The following KALRN variants were observed in gnomAD, a reference collection of about 807,000 sequenced individuals.
KALRN encodes the protein kalirin RhoGEF kinase.
Under a neutral mutation model 353.7 loss-of-function variants are expected in KALRN, and 70 were observed. The observed-to-expected ratio is 0.20, with a 90% CI of 0.16 to 0.24. The LOEUF (loss-of-function observed/expected upper bound fraction) is 0.24. Among genes scored for constraint, KALRN ranks in the 10% least tolerant of loss-of-function variants. KALRN has a pLI of 1.00. For missense variants in KALRN, 2,791 were observed against 3,756.7 expected (o/e 0.74, Z 6.72); for synonymous variants, 1,391 against 1,434.8 (o/e 0.97, Z 0.69).
intron 1 of KALRN, among the ~76,000 whole-genome samples, chr3:124,090,084 A>T (rs938518216): frequency 6.6e-6 from 1 of 151,980 alleles, no homozygotes; most frequent in African/African-American, 2.4e-5. Flanking sequence ...CTGAAGGAGG[A>T]GAGGGGACTG....
intron 34 of KALRN, among the ~76,000 whole-genome samples, chr3:124,564,980 G>A (rs981139566): frequency 6.6e-6 from 1 of 152,242 alleles, no homozygotes; most frequent in South Asian, 2.1e-4. Context: ...GATATTTCTA[G>A]GAGAGGAAGA....
chr3:124,674,468 G>C lies in KALRN; in HGVS notation c.7047G>C (p.Gln2349His). The change falls in exon 49 of 60, where the codon CAG becomes CAC. Residue 2349 changes from glutamine (Q) to histidine (H), a missense_variant. By Grantham distance (24) the Gln-to-His change is conservative. Coordinates refer to ENST00000682506, the MANE Select transcript of KALRN (RefSeq NM_001388419.1). Reference sequence around the variant, plus strand: ...GTGTGAGCCAAGGTGAGGTGGTCCAGGTCCTCGCCGTCAACCAGCAGAACA... The same window carrying C: ...GTGTGAGCCAAGGTGAGGTGGTCCACGTCCTCGCCGTCAACCAGCAGAACA... ...EICVSQGEVV[Q>H]VLAVNQQNMC... 6.2e-7 allele frequency: 1 copy of C among 1,614,068 alleles called. No homozygotes were observed. The highest frequency in any genetic ancestry group is 8.5e-7 in the Non-Finnish European group (1 of 1,180,006).
chr3:124,226,205 A>T (rs1238428119), intron 1 of KALRN, among the ~76,000 whole-genome samples: 1 of 152,192 alleles, frequency 6.6e-6, no homozygotes, highest in Non-Finnish European at 1.5e-5. Flanking sequence ...TTGCATGAGG[A>T]TGAAAAAAAA....
At chr3:124,595,384 T>A (rs1236302117) in intron 34 of KALRN, among the ~76,000 whole-genome samples, 2 of 152,200 alleles carry the variant, frequency 1.3e-5, no homozygotes, top group Non-Finnish European at 2.9e-5. Context: ...TCAGCCATGG[T>A]GGGAGTATTT....
chr3:124,182,233 T>C (rs1400865909), intron 1 of KALRN, among the ~76,000 whole-genome samples: 1 of 152,218 alleles, frequency 6.6e-6, no homozygotes, highest in African/African-American at 2.4e-5. Flanking sequence ...ATAACACACA[T>C]TTATTGTCTG....
At chr3:124,416,461 G>T (rs1439142203) in intron 14 of KALRN, among the ~76,000 whole-genome samples, 1 of 152,226 alleles carries the variant, frequency 6.6e-6, no homozygotes, top group Non-Finnish European at 1.5e-5. Flanking sequence ...AAAGAGGTTT[G>T]GCCTCTTCAG....
At chr3:124,425,772 A>G (rs919800897) in intron 15 of KALRN, among the ~76,000 whole-genome samples, 1 of 152,126 alleles carries the variant, frequency 6.6e-6, no homozygotes, top group Non-Finnish European at 1.5e-5. Flanking sequence ...ATAGAAATAT[A>G]TTTATTCTCC....
chr3:124,137,552 G>A (rs1419582021), intron 1 of KALRN, among the ~76,000 whole-genome samples: 1 of 152,178 alleles, frequency 6.6e-6, no homozygotes, highest in Non-Finnish European at 1.5e-5. Context: ...CTTGTTTGCT[G>A]TTCCCTCTCT....
At chr3:124,483,086 G>A (rs1224593939) in intron 28 of KALRN, among the ~76,000 whole-genome samples, 186 bp downstream of exon 28, 1 of 152,234 alleles carries the variant, frequency 6.6e-6, no homozygotes, top group Non-Finnish European at 1.5e-5. Flanking sequence ...TTTTAAGGCA[G>A]AAGGGGGAGA....
chr3:124,131,272 C>T (rs974161397), intron 1 of KALRN, among the ~76,000 whole-genome samples: 4 of 152,154 alleles, frequency 2.6e-5, no homozygotes, highest in Admixed American at 2.0e-4. Context: ...CCAACTTGCT[C>T]TGGAAAGAAC....
intron 34 of KALRN, among the ~76,000 whole-genome samples, chr3:124,620,031 C>T (rs1340440669): frequency 6.6e-6 from 1 of 151,684 alleles, no homozygotes; most frequent in Admixed American, 6.6e-5. Flanking sequence ...TATAATGTGC[C>T]CTTTCTTCAG....
intron 1 of KALRN, among the ~76,000 whole-genome samples, chr3:124,050,624 C>A (rs1245897247): frequency 6.6e-6 from 1 of 152,138 alleles, no homozygotes; most frequent in Non-Finnish European, 1.5e-5. Context: ...GAGCCTGAGA[C>A]CCTGGTATCC....
chr3:124,267,555 G>C (rs916403254), intron 4 of KALRN, among the ~76,000 whole-genome samples: 1 of 152,198 alleles, frequency 6.6e-6, no homozygotes, highest in African/African-American at 2.4e-5. Flanking sequence ...AGAATTTCTA[G>C]GGATGAGGTT....
chr3:124,209,995 T>G (rs984633846), intron 1 of KALRN, among the ~76,000 whole-genome samples: 2 of 152,214 alleles, frequency 1.3e-5, no homozygotes, highest in Non-Finnish European at 2.9e-5. Context: ...CCAGTGTTTC[T>G]TCAGAGAGTA....
Position 124,667,076 on chromosome 3 carries a change from G to A in KALRN, c.6596G>A (p.Arg2199Lys), listed in dbSNP as rs2085731616. The change falls in exon 47 of 60, where the codon AGA becomes AAA. Residue 2199 changes from arginine to lysine, a missense_variant. Coordinates refer to ENST00000682506, the MANE Select transcript of KALRN (RefSeq NM_001388419.1). ...NDPCKFALMNRETSERVVLQA... is the reference protein window; with the variant it reads ...NDPCKFALMNKETSERVVLQA... ...CCCTGCAAGTTTGCACTCATGAACA[G>A]AGAGACTTCTGAGAGGGTTGTTCTG... 1 of 1,614,244 alleles carries A rather than the reference G, an allele frequency of 6.2e-7. No individual in the cohort carries two copies. Among genetic ancestry groups the A allele is most frequent in the Non-Finnish European group, 8.5e-7 (1 of 1,180,032 alleles).
At chr3:124,433,425 C>G (rs1410346271) in intron 16 of KALRN, among the ~76,000 whole-genome samples, 1 of 151,232 alleles carries the variant, frequency 6.6e-6, no homozygotes, top group African/African-American at 2.4e-5. Context: ...CCCATTTCTA[C>G]AAAAAGTGAA....
At position 124,416,663 on chromosome 3, in the gene KALRN, A is replaced by T. The variant is rs115042132; in HGVS notation, c.2542+2998A>T. Among the ~76,000 whole-genome samples the T allele has an allele frequency of 6.4e-3, 975 of 152,342 alleles. 12 individuals carry two copies. The highest frequency in any genetic ancestry group is 0.021 in the African/African-American group (883 of 41,584). On this transcript the variant is annotated intron_variant, in intron 14 of 59. Transcript: ENST00000682506. ...CTGGGCTTAGGGAAATGGAGGGTAG[A>T]TTCACAGCAGAGCTGGAGGGTGGGG...
intron 34 of KALRN, among the ~76,000 whole-genome samples, chr3:124,581,100 C>T (rs114344140): frequency 2.7e-3 from 409 of 152,080 alleles, no homozygotes; most frequent in African/African-American, 9.4e-3. Flanking sequence ...TCCATGATGG[C>T]CAAAAATGTG....
intron 1 of KALRN, among the ~76,000 whole-genome samples, chr3:124,034,068 T>C (rs902877043): frequency 6.6e-6 from 1 of 151,266 alleles, no homozygotes; most frequent in Non-Finnish European, 1.5e-5. Flanking sequence ...GTTGGGGAGG[T>C]GGGAGGCGGT....
Sources: gnomAD v4.1 joint callset for allele counts (sites outside exome capture counted in the v4.1 genomes callset) on GRCh38, gnomAD v4.1.1 for gene constraint, MANE v1.5 for transcripts, NCBI Gene and HGNC (gene_info 2026-07-23, HGNC 2026-07-21) for gene names.